Variants in VCL observed in about 807,000 individuals in gnomAD.
The protein encoded by VCL is vinculin.
A neutral mutation model predicts 125.7 loss-of-function variants in VCL; 47 were observed. That is an observed-to-expected ratio of 0.37 (90% CI 0.30 to 0.48). The LOEUF (loss-of-function observed/expected upper bound fraction) is 0.48. VCL is among the 20% of genes least tolerant of loss of function. VCL has a pLI of 0.99. For synonymous variants in VCL, 458 were observed against 514.6 expected (o/e 0.89, Z 1.49); for missense variants, 1,069 against 1,455.5 (o/e 0.73, Z 4.32).
chr10:73,998,807 G>A (rs909621962), intron 1 of VCL, among the ~76,000 whole-genome samples: 1 of 152,220 alleles, frequency 6.6e-6, no homozygotes, highest in African/African-American at 2.4e-5. Flanking sequence ...CTGTGCGGGG[G>A]AGGGAGAGCG....
At chr10:74,029,945 C>G (rs980323066) in intron 1 of VCL, among the ~76,000 whole-genome samples, 1 of 152,002 alleles carries the variant, frequency 6.6e-6, no homozygotes, top group African/African-American at 2.4e-5. Flanking sequence ...ATGTTTGCTT[C>G]CAGTTATTTT....
At chr10:74,061,230 C>A (rs1317180788) in intron 2 of VCL, among the ~76,000 whole-genome samples, 1 of 152,122 alleles carries the variant, frequency 6.6e-6, no homozygotes, top group Non-Finnish European at 1.5e-5. Flanking sequence ...AGACAGACTT[C>A]TTCCTGTTTC....
intron 1 of VCL, among the ~76,000 whole-genome samples, chr10:74,002,991 T>C (rs1209368574): frequency 6.6e-6 from 1 of 151,238 alleles, no homozygotes; most frequent in Non-Finnish European, 1.5e-5. Flanking sequence ...CACTGATATA[T>C]ATATATAAAT....
At chr10:74,048,569 T>G (rs1341600148) in intron 2 of VCL, among the ~76,000 whole-genome samples, 1 of 152,202 alleles carries the variant, frequency 6.6e-6, no homozygotes, top group Non-Finnish European at 1.5e-5. Flanking sequence ...CTGTCAGTTG[T>G]CATTTTCTTC....
chr10:74,072,165 C>A (rs1841671530), intron 4 of VCL, among the ~76,000 whole-genome samples: 1 of 152,128 alleles, frequency 6.6e-6, no homozygotes, highest in Non-Finnish European at 1.5e-5. Flanking sequence ...TCCAAAACAC[C>A]AGATGCTTTC....
chr10:74,112,048 T>C lies in VCL; in HGVS notation c.2885T>C (p.Val962Ala), dbSNP rs1488842009. Residue 962 changes from valine (V) to alanine (A), a missense_variant, in exon 19 of 22, where the codon GTC becomes GCC. This residue lies in a region of VCL where 86 missense variants were observed against 91.0 expected (regional missense o/e 0.95). Coordinates refer to ENST00000211998, the MANE Select transcript of VCL (RefSeq NM_014000.3). ...ELLLMPSNQP[V>A]NQPILAAAQS... ...CTGTTAATGCCATCCAATCAGCCGG[T>C]CAACCAGCCCATTCTGGCCGCGGCT... 1.2e-6 allele frequency: 2 copies of C among 1,614,034 alleles called. No homozygotes were observed. The highest frequency in any genetic ancestry group is 4.5e-5 in the East Asian group (2 of 44,884).
intron 9 of VCL, 79 bp downstream of exon 9, chr10:74,089,428 T>C: frequency 6.3e-7 from 1 of 1,587,788 alleles, no homozygotes; most frequent in Admixed American, 1.7e-5. Context: ...CTTTCTTCTC[T>C]GTCTCTTATC....
At chr10:74,003,277 A>G (rs1840264619) in intron 1 of VCL, among the ~76,000 whole-genome samples, 1 of 152,138 alleles carries the variant, frequency 6.6e-6, no homozygotes, top group African/African-American at 2.4e-5. Flanking sequence ...GTCCAATTCA[A>G]TAATGAAACA....
At chr10:74,022,086 T>A (rs1018540696) in intron 1 of VCL, among the ~76,000 whole-genome samples, 1 of 152,158 alleles carries the variant, frequency 6.6e-6, no homozygotes, top group Non-Finnish European at 1.5e-5. Flanking sequence ...GGCTATCACA[T>A]CCCTAACCCC....
intron 2 of VCL, among the ~76,000 whole-genome samples, chr10:74,055,867 G>A (rs1442069744): frequency 6.6e-6 from 1 of 152,094 alleles, no homozygotes. Flanking sequence ...CTGCACTGAC[G>A]CTAGATTTGA....
intron 1 of VCL, among the ~76,000 whole-genome samples, chr10:74,038,037 G>A (rs563059200): frequency 1.4e-5 from 2 of 143,032 alleles, no homozygotes; most frequent in South Asian, 2.1e-4. Context: ...TCGCTCTGTC[G>A]CCTAGGCTGG....
At chr10:74,080,150 T>C (rs1395652798) in intron 6 of VCL, among the ~76,000 whole-genome samples, 1 of 152,160 alleles carries the variant, frequency 6.6e-6, no homozygotes, top group Non-Finnish European at 1.5e-5. Context: ...TTTTTGGGCA[T>C]TGGAGAATAA....
chr10:74,105,389 G>A (rs745897964), intron 16 of VCL, 36 bp downstream of exon 16: 1 of 1,611,522 alleles, frequency 6.2e-7, no homozygotes, highest in East Asian at 2.2e-5. Context: ...CACCTCCACT[G>A]AGAGGTTAAC....
At chr10:74,113,357 AT>A (rs1268632396) in intron 19 of VCL, among the ~76,000 whole-genome samples, 2 of 152,208 alleles carry the variant, frequency 1.3e-5, no homozygotes, top group African/African-American at 4.8e-5. Flanking sequence ...TGAGGGTTCC[AT>A]TTACAGCCTG....
intron 1 of VCL, among the ~76,000 whole-genome samples, chr10:74,005,645 C>T (rs969980233): frequency 1.3e-5 from 2 of 152,088 alleles, no homozygotes; most frequent in Non-Finnish European, 2.9e-5. Flanking sequence ...GGCAGTTATC[C>T]GTCGGTATCC....
In VCL at chr10:74,083,465, G is replaced by A; in HGVS notation, c.974G>A (p.Cys325Tyr). ...GAACGCAGGGAGATTCTGGGAACTT[G>A]CAAAATGCTAGGGCAGATGACTGAT... ...GKERREILGT[C>Y]KMLGQMTDQV... is the part of the protein sequence containing the mutation. The change falls in exon 8 of 22, where the codon TGC (cysteine) becomes TAC (tyrosine). Residue 325 changes from cysteine to tyrosine, a missense_variant. By Grantham distance (194) the Cys-to-Tyr change is radical. Transcript: ENST00000211998. The A allele has an allele frequency of 6.2e-7, 1 of 1,614,056 alleles. No homozygotes were observed. The highest frequency in any genetic ancestry group is 8.5e-7 in the Non-Finnish European group (1 of 1,179,946).
At chr10:74,003,784 A>G (rs892970931) in intron 1 of VCL, among the ~76,000 whole-genome samples, 2 of 152,136 alleles carry the variant, frequency 1.3e-5, no homozygotes, top group Non-Finnish European at 2.9e-5. Context: ...CAGTGGTGTG[A>G]TCATAGCTCA....
At chr10:74,084,913 A>G (rs2131902351) in intron 8 of VCL, among the ~76,000 whole-genome samples, 1 of 151,760 alleles carries the variant, frequency 6.6e-6, no homozygotes, top group Non-Finnish European at 1.5e-5. Context: ...TGCCCGGCCA[A>G]ATTTTTTATT....
At position 73,998,222 on chromosome 10, in the gene VCL, T is replaced by C; in HGVS notation, c.15T>C (p.His5=). The change falls in exon 1 of 22, where the codon CAT becomes CAC. Residue 5 remains histidine, a synonymous_variant. Transcript: ENST00000211998. MPVF[H]TRTIESILEP... is the part of the protein sequence containing the mutation. The stretch of plus-strand genomic sequence containing the variant: ...TCGCCGCCGCGATGCCAGTGTTTCA[T>C]ACGCGCACGATCGAGAGCATCCTGG... 1 of 1,612,916 alleles carries C rather than the reference T, an allele frequency of 6.2e-7. No individual in the cohort carries two copies. Among genetic ancestry groups the C allele is most frequent in the Non-Finnish European group, 8.5e-7 (1 of 1,179,550 alleles).
Sources: gnomAD v4.1 joint callset for allele counts (sites outside exome capture counted in the v4.1 genomes callset) on GRCh38, gnomAD v4.1.1 for gene constraint, gnomAD v4.1.1 regional missense constraint, MANE v1.5 for transcripts, NCBI Gene and HGNC (gene_info 2026-07-23, HGNC 2026-07-21) for gene names.